Variants in NAALADL2 observed in about 807,000 individuals in gnomAD.
NAALADL2 encodes the protein N-acetylated alpha-linked acidic dipeptidase like 2.
In NAALADL2, 76 loss-of-function variants were observed where a neutral mutation model predicts 87.2. That is an observed-to-expected ratio of 0.87 (90% CI 0.72 to 1.05). NAALADL2 has a LOEUF of 1.05. NAALADL2 is among the 50% of genes least tolerant of loss of function. NAALADL2 has a pLI of 0.00. For synonymous variants in NAALADL2, 354 were observed against 331.0 expected, an observed-to-expected ratio of 1.07 and a Z score of -0.75; for missense variants, 1,089 against 945.8, an observed-to-expected ratio of 1.15 and a Z score of -1.99.
chr3:175,697,061 A>G (rs1737889565), intron 11 of NAALADL2, among the ~76,000 whole-genome samples: 1 of 152,100 alleles, frequency 6.6e-6, no homozygotes, highest in Non-Finnish European at 1.5e-5. Context: ...GAGGCATTCA[A>G]ATCTTAGCAC....
chr3:175,791,769 C>CA (rs1752805676), intron 13 of NAALADL2, among the ~76,000 whole-genome samples: 1 of 151,264 alleles, frequency 6.6e-6, no homozygotes, highest in African/African-American at 2.4e-5. Flanking sequence ...AATATATATA[C>CA]AGTATATTTT....
intron 6 of NAALADL2, among the ~76,000 whole-genome samples, chr3:175,455,859 A>G (rs763303173): frequency 2.0e-5 from 3 of 152,062 alleles, no homozygotes; most frequent in Non-Finnish European, 4.4e-5. Context: ...TGAAAGAACA[A>G]TCTGGAAGTC....
intron 11 of NAALADL2, among the ~76,000 whole-genome samples, chr3:175,734,573 A>AG (rs368157616): frequency 1.3e-5 from 2 of 151,888 alleles, no homozygotes; most frequent in Non-Finnish European, 2.9e-5. Flanking sequence ...AGAAAAAAAA[A>AG]GAAATCTAGG....
intron 8 of NAALADL2, among the ~76,000 whole-genome samples, chr3:175,467,613 C>T (rs986617126): frequency 6.6e-6 from 1 of 152,168 alleles, no homozygotes. Context: ...TTTCTCTCTT[C>T]AATATGGATA....
intron 13 of NAALADL2, among the ~76,000 whole-genome samples, chr3:175,796,001 A>C (rs9880439): frequency 0.39 from 57,560 of 149,274 alleles, 14,511 homozygotes; most frequent in African/African-American, 0.72. Flanking sequence ...TCCTTGTGTT[A>C]TTTCCTCTTC....
At chr3:175,765,670 T>G (rs560105253) in intron 13 of NAALADL2, among the ~76,000 whole-genome samples, 61 of 152,250 alleles carry the variant, frequency 4.0e-4, no homozygotes, top group African/African-American at 1.4e-3. Context: ...ACTGTTGTCA[T>G]ATTTGCAAGT....
intron 1 of NAALADL2, among the ~76,000 whole-genome samples, chr3:174,506,858 C>A (rs977213865): frequency 1.3e-5 from 2 of 151,242 alleles, no homozygotes; most frequent in African/African-American, 4.9e-5. Context: ...TTGGTTATAT[C>A]TTTTTCTTAT....
chr3:174,840,145 T>C lies in NAALADL2; in HGVS notation c.-9+102399T>C, dbSNP rs1004035060. Among the ~76,000 whole-genome samples, 4 of 151,638 alleles carry C rather than the reference T, an allele frequency of 2.6e-5. No individual in the cohort carries two copies. The South Asian group carries it at 8.3e-4, about 31-fold the overall frequency. On this transcript the variant is annotated intron_variant, in intron 3 of 3. Coordinates refer to the NAALADL2 transcript ENST00000434257. The stretch of plus-strand genomic sequence containing the variant: ...GAGTGGATAAAGAAACTGTGATATA[T>C]ATATATCTAATATATATATCTATAT...
chr3:175,482,125 T>C (rs1041366758), intron 9 of NAALADL2, among the ~76,000 whole-genome samples: 3 of 151,928 alleles, frequency 2.0e-5, no homozygotes, highest in Non-Finnish European at 4.4e-5. Context: ...AACTAAAATA[T>C]ACTTATCTAA....
chr3:174,519,865 ACAAACCCACAGC>A (rs747893555), intron 1 of NAALADL2, among the ~76,000 whole-genome samples: 34 of 152,182 alleles, frequency 2.2e-4, no homozygotes, highest in Admixed American at 3.9e-4. Context: ...GCCACCTATG[ACAAACCCACAGC>A]CAACATCATA....
At chr3:174,615,340 C>T (rs1484221251) in intron 2 of NAALADL2, among the ~76,000 whole-genome samples, 1 of 152,112 alleles carries the variant, frequency 6.6e-6, no homozygotes, top group African/African-American at 2.4e-5. Flanking sequence ...ATCTCTCTGC[C>T]CCAAGCTTTT....
chr3:175,175,592 T>C (rs1735583176), intron 2 of NAALADL2, among the ~76,000 whole-genome samples: 1 of 152,124 alleles, frequency 6.6e-6, no homozygotes, highest in African/African-American at 2.4e-5. Context: ...AAAAAAATTA[T>C]TTAGTTTTCA....
chr3:175,330,296 A>G (rs1761244260), intron 5 of NAALADL2, among the ~76,000 whole-genome samples: 2 of 152,172 alleles, frequency 1.3e-5, no homozygotes, highest in Admixed American at 1.3e-4. Flanking sequence ...AGACAGCAGT[A>G]ACTGGCTACA....
chr3:175,034,982 G>T (rs1031061736), intron 1 of NAALADL2, among the ~76,000 whole-genome samples: 1 of 152,150 alleles, frequency 6.6e-6, no homozygotes, highest in African/African-American at 2.4e-5. Flanking sequence ...TCAGTGTCCA[G>T]AAGTATTTCT....
At chr3:174,711,797 T>C (rs971987949) in intron 2 of NAALADL2, among the ~76,000 whole-genome samples, 4 of 152,202 alleles carry the variant, frequency 2.6e-5, no homozygotes, top group African/African-American at 7.2e-5. Context: ...GATAAACATA[T>C]GAATTTTTGT....
At chr3:175,060,068 G>C (rs921864209) in intron 1 of NAALADL2, 3 of 314,974 alleles carry the variant, frequency 9.5e-6, no homozygotes, top group African/African-American at 6.8e-5. Context: ...GCAGCAAAAT[G>C]AAAGAGTGTA....
chr3:175,648,086 T>A (rs970075888), intron 11 of NAALADL2, among the ~76,000 whole-genome samples: 14 of 152,186 alleles, frequency 9.2e-5, no homozygotes, highest in Non-Finnish European at 2.1e-4. Context: ...GACTGGAGAT[T>A]TAGCATATTT....
At chr3:174,822,094 C>T (rs1721486264) in intron 3 of NAALADL2, among the ~76,000 whole-genome samples, 1 of 151,920 alleles carries the variant, frequency 6.6e-6, no homozygotes, top group Non-Finnish European at 1.5e-5. Flanking sequence ...AATGTACAGG[C>T]TAGGTTGACA....
chr3:174,587,958 T>G (rs1037003810), intron 2 of NAALADL2, among the ~76,000 whole-genome samples: 1 of 151,828 alleles, frequency 6.6e-6, no homozygotes, highest in Non-Finnish European at 1.5e-5. Context: ...CTGGATAATA[T>G]CCTGAGTTTT....
Sources: gnomAD v4.1 joint callset for allele counts (sites outside exome capture counted in the v4.1 genomes callset) on GRCh38, gnomAD v4.1.1 for gene constraint, MANE v1.5 for transcripts, NCBI Gene and HGNC (gene_info 2026-07-23, HGNC 2026-07-21) for gene names.